The following FOXN3 variants were observed in gnomAD, a reference collection of about 807,000 sequenced individuals.
The protein encoded by FOXN3 is forkhead box N3.
FOXN3 carries 7 observed loss-of-function variants against 38.4 expected under a neutral mutation model. The ratio of observed to expected loss-of-function variants is 0.18; its 90% CI spans 0.10 to 0.34. FOXN3 has a LOEUF of 0.34. Among genes scored for constraint, FOXN3 ranks in the 10% least tolerant of loss-of-function variants. FOXN3 has a pLI of 1.00. For missense variants in FOXN3, 456 were observed against 613.4 expected, an observed-to-expected ratio of 0.74 and a Z score of 2.71; for synonymous variants, 230 against 242.2, an observed-to-expected ratio of 0.95 and a Z score of 0.47.
chr14:89,192,689 A>G (rs1407099827), intron 4 of FOXN3, among the ~76,000 whole-genome samples: 1 of 143,306 alleles, frequency 7.0e-6, no homozygotes, highest in Non-Finnish European at 1.5e-5. Context: ...AATATACACT[A>G]CTATATATAA....
At chr14:89,338,511 C>T (rs1888528008) in intron 3 of FOXN3, among the ~76,000 whole-genome samples, 1 of 151,980 alleles carries the variant, frequency 6.6e-6, no homozygotes, top group African/African-American at 2.4e-5. Flanking sequence ...GGTATGCAGC[C>T]GGCTGGGCGC....
intron 4 of FOXN3, among the ~76,000 whole-genome samples, chr14:89,259,495 C>G (rs1406491402): frequency 6.6e-6 from 1 of 152,204 alleles, no homozygotes; most frequent in Non-Finnish European, 1.5e-5. Flanking sequence ...ATGTTATCCT[C>G]TAACTTTATC....
At chr14:89,506,012 C>T (rs1420327229) in intron 1 of FOXN3, among the ~76,000 whole-genome samples, 2 of 149,256 alleles carry the variant, frequency 1.3e-5, no homozygotes, top group Non-Finnish European at 3.0e-5. Context: ...CCACCCCGTC[C>T]GGGAGGGAGG....
intron 1 of FOXN3, among the ~76,000 whole-genome samples, chr14:89,468,557 C>T (rs891402908): frequency 6.6e-6 from 1 of 152,178 alleles, no homozygotes; most frequent in African/African-American, 2.4e-5. Flanking sequence ...GATTATATAA[C>T]TTGACTGTGC....
chr14:89,366,808 T>C (rs1890173343), intron 2 of FOXN3, among the ~76,000 whole-genome samples: 1 of 152,134 alleles, frequency 6.6e-6, no homozygotes, highest in Admixed American at 6.5e-5. Context: ...GCAATAAAGG[T>C]AACGTGGGCC....
At chr14:89,278,761 A>G (rs1389438842) in intron 4 of FOXN3, among the ~76,000 whole-genome samples, 1 of 152,090 alleles carries the variant, frequency 6.6e-6, no homozygotes, top group Non-Finnish European at 1.5e-5. Context: ...ATTTTCTTCC[A>G]CTTGCTATAG....
intron 1 of FOXN3, among the ~76,000 whole-genome samples, chr14:89,611,650 C>CA (rs1377509380): frequency 2.0e-5 from 3 of 151,954 alleles, no homozygotes; most frequent in Admixed American, 2.0e-4. Flanking sequence ...ACTAAAAATA[C>CA]AAAAAATTAG....
intron 1 of FOXN3, among the ~76,000 whole-genome samples, chr14:89,545,968 G>A (rs952724736): frequency 2.0e-5 from 3 of 152,180 alleles, no homozygotes; most frequent in South Asian, 2.1e-4. Flanking sequence ...TGTGCCCCAC[G>A]TGCAGTCCTA....
chr14:89,411,855 G>GA, intron 2 of FOXN3, 79 bp downstream of exon 2: 1 of 954,678 alleles, frequency 1.0e-6, no homozygotes, highest in Non-Finnish European at 1.4e-6. Context: ...GTGGTGAATA[G>GA]AAATTCATTT....
intron 4 of FOXN3, among the ~76,000 whole-genome samples, chr14:89,262,023 G>C (rs748808482): frequency 1.3e-5 from 2 of 152,194 alleles, no homozygotes; most frequent in South Asian, 2.1e-4. Flanking sequence ...AGAATTACTC[G>C]AATCCAGGAG....
chr14:89,551,337 G>C (rs968237083), intron 1 of FOXN3, among the ~76,000 whole-genome samples: 3 of 152,152 alleles, frequency 2.0e-5, no homozygotes, highest in Admixed American at 2.0e-4. Flanking sequence ...AATCAGATCA[G>C]TTTTGTGAGA....
intron 1 of FOXN3, among the ~76,000 whole-genome samples, chr14:89,559,468 G>A (rs889735625): frequency 7.9e-5 from 12 of 152,038 alleles, no homozygotes; most frequent in African/African-American, 2.9e-4. Context: ...ACCAGGTCGG[G>A]AGATGGAGAC....
intron 1 of FOXN3, among the ~76,000 whole-genome samples, chr14:89,441,389 A>T (rs1892379295): frequency 6.6e-6 from 1 of 152,136 alleles, no homozygotes; most frequent in South Asian, 2.1e-4. Context: ...CATTCACCTT[A>T]CGTTAAAAAG....
chr14:89,276,935 G>A (rs992823857), intron 4 of FOXN3, among the ~76,000 whole-genome samples: 4 of 152,192 alleles, frequency 2.6e-5, no homozygotes, highest in East Asian at 1.9e-4. Flanking sequence ...AAGAGCAGAG[G>A]TGCCTATGTC....
At chr14:89,391,075 T>C (rs1301637269) in intron 2 of FOXN3, among the ~76,000 whole-genome samples, 1 of 152,144 alleles carries the variant, frequency 6.6e-6, no homozygotes, top group Non-Finnish European at 1.5e-5. Flanking sequence ...TTTCCTTATT[T>C]ATGTGTGGTC....
At chr14:89,605,764 T>C (rs769107149) in intron 1 of FOXN3, among the ~76,000 whole-genome samples, 9 of 152,106 alleles carry the variant, frequency 5.9e-5, no homozygotes, top group Non-Finnish European at 1.0e-4. Flanking sequence ...GTCAGAAAAA[T>C]ACAAGTTTTA....
chr14:89,402,486 C>G (rs1208935363), intron 2 of FOXN3, among the ~76,000 whole-genome samples: 1 of 152,302 alleles, frequency 6.6e-6, no homozygotes, highest in East Asian at 1.9e-4. Context: ...TGCTTGGCAA[C>G]AGAATCAACA....
chr14:89,254,631 C>T (rs1885561979), intron 4 of FOXN3, among the ~76,000 whole-genome samples: 1 of 152,294 alleles, frequency 6.6e-6, no homozygotes, highest in East Asian at 1.9e-4. Context: ...TTCAAAATCA[C>T]TCTGTCCAAC....
intron 4 of FOXN3, among the ~76,000 whole-genome samples, chr14:89,248,380 A>G (rs535713002): frequency 2.0e-5 from 3 of 152,358 alleles, no homozygotes; most frequent in African/African-American, 7.2e-5. Context: ...GGAGCAAATG[A>G]TTTATAAAAA....
Sources: gnomAD v4.1 joint callset for allele counts (sites outside exome capture counted in the v4.1 genomes callset) on GRCh38, gnomAD v4.1.1 for gene constraint, MANE v1.5 for transcripts, NCBI Gene and HGNC (gene_info 2026-07-23, HGNC 2026-07-21) for gene names.